RBFOX1: variants seen among roughly 807,000 people sequenced by gnomAD.
RBFOX1 encodes RNA binding protein fox-1 homolog 1.
Under a neutral mutation model 57.7 loss-of-function variants are expected in RBFOX1, and 8 were observed. The ratio of observed to expected loss-of-function variants is 0.14; its 90% CI spans 0.08 to 0.25. The LOEUF (loss-of-function observed/expected upper bound fraction) is 0.25, where lower values mean the gene tolerates loss of function less well. Ranked by LOEUF, RBFOX1 falls within the 10% of genes least tolerant of loss-of-function variation. The pLI is 1.00. For synonymous variants in RBFOX1, 326 were observed against 222.4 expected, an observed-to-expected ratio of 1.47 and a Z score of -4.15; for missense variants, 611 against 548.5, an observed-to-expected ratio of 1.11 and a Z score of -1.14.
intron 1 of RBFOX1, among the ~76,000 whole-genome samples, chr16:5,458,944 A>T (rs1368908611): frequency 1.3e-5 from 2 of 151,884 alleles, no homozygotes; most frequent in African/African-American, 4.8e-5. Flanking sequence ...CCTGGCTTCA[A>T]CTCTTCCAGG....
intron 3 of RBFOX1, among the ~76,000 whole-genome samples, chr16:7,050,969 T>C (rs2049868115): frequency 6.6e-6 from 1 of 152,174 alleles, no homozygotes; most frequent in South Asian, 2.1e-4. Context: ...ATTCTTCCTT[T>C]TTTGTTTTTA....
intron 4 of RBFOX1, among the ~76,000 whole-genome samples, chr16:5,948,610 G>C (rs1294988164): frequency 6.6e-6 from 1 of 152,204 alleles, no homozygotes; most frequent in Admixed American, 6.5e-5. Context: ...TGCGATGGCA[G>C]AGGCAGAGAT....
At chr16:6,269,099 G>T (rs10468326) in intron 1 of RBFOX1, among the ~76,000 whole-genome samples, 4,277 of 152,140 alleles carry the variant, frequency 0.028, 165 homozygotes, top group African/African-American at 0.089. Flanking sequence ...TGCTACGTAA[G>T]CTATGTCAGC....
At chr16:6,517,351 T>C (rs189755467) in intron 2 of RBFOX1, among the ~76,000 whole-genome samples, 1 of 152,328 alleles carries the variant, frequency 6.6e-6, no homozygotes, top group East Asian at 1.9e-4. Context: ...CGAATACATC[T>C]GTGTTTGGGG....
intron 2 of RBFOX1, among the ~76,000 whole-genome samples, chr16:6,351,675 A>C (rs1271427075): frequency 6.6e-6 from 1 of 152,116 alleles, no homozygotes; most frequent in African/African-American, 2.4e-5. Flanking sequence ...CTCCCGGCCT[A>C]AGGGAATGTT....
chr16:7,155,358 G>C (rs1033813797), intron 4 of RBFOX1, among the ~76,000 whole-genome samples: 7 of 152,018 alleles, frequency 4.6e-5, no homozygotes, highest in Non-Finnish European at 1.0e-4. Context: ...GGGAGGTCGA[G>C]TTCAGTGGGT....
intron 4 of RBFOX1, among the ~76,000 whole-genome samples, chr16:5,916,607 A>G (rs1413143627): frequency 6.6e-6 from 1 of 152,046 alleles, no homozygotes; most frequent in Non-Finnish European, 1.5e-5. Flanking sequence ...CTTTGGAACT[A>G]ATTTCAGGGG....
chr16:5,676,381 A>G (rs1435831231), intron 3 of RBFOX1, among the ~76,000 whole-genome samples: 2 of 152,106 alleles, frequency 1.3e-5, no homozygotes, highest in East Asian at 1.9e-4. Context: ...CTGCCCATAT[A>G]TGTGTGTGTG....
rs373027819 is a variant in RBFOX1, at chr16:7,118,384, C to T, written c.27+66286C>T. Among the ~76,000 whole-genome samples the T allele has an allele frequency of 1.2e-4, 18 of 152,044 alleles. 2 individuals are homozygous for T. Among genetic ancestry groups the T allele is most frequent in the Admixed American group, 9.8e-4 (15 of 15,246 alleles). On this transcript the variant is annotated intron_variant, in intron 4 of 15. Transcript: ENST00000550418. ...GTTTCTTGGCCATTTGTTGGCTATTCTCATCTTCTGAGAAATGCCTGTTCA... is the reference window on the plus strand; with the variant it reads ...GTTTCTTGGCCATTTGTTGGCTATTTTCATCTTCTGAGAAATGCCTGTTCA...
chr16:5,424,927 C>T (rs866089221), intron 1 of RBFOX1, among the ~76,000 whole-genome samples: 1 of 75,580 alleles, frequency 1.3e-5, no homozygotes, highest in Non-Finnish European at 2.8e-5. Context: ...TTCTTTCTTT[C>T]TTTCTTTCTC....
At chr16:7,484,146 T>C (rs891303026) in intron 4 of RBFOX1, among the ~76,000 whole-genome samples, 8 of 147,346 alleles carry the variant, frequency 5.4e-5, no homozygotes, top group African/African-American at 1.9e-4. Flanking sequence ...GATTCAGCCA[T>C]AATTGTTGCA....
chr16:6,942,650 C>T (rs1341125389), intron 3 of RBFOX1, among the ~76,000 whole-genome samples: 2 of 152,098 alleles, frequency 1.3e-5, no homozygotes, highest in African/African-American at 4.8e-5. Flanking sequence ...GTTGAGTGGA[C>T]AGCGAGAAGG....
intron 1 of RBFOX1, among the ~76,000 whole-genome samples, chr16:6,045,055 G>T (rs2095481001): frequency 6.6e-6 from 1 of 152,174 alleles, no homozygotes; most frequent in African/African-American, 2.4e-5. Flanking sequence ...ATTGGTCTTG[G>T]ATGGGGCTGT....
chr16:6,973,558 GTTTA>G (rs1166582018), intron 3 of RBFOX1, among the ~76,000 whole-genome samples: 4 of 152,106 alleles, frequency 2.6e-5, no homozygotes, highest in African/African-American at 9.7e-5. Context: ...TGGAGAGTCT[GTTTA>G]TTTCTTTCTT....
At chr16:6,603,540 C>T (rs2097883091) in intron 2 of RBFOX1, among the ~76,000 whole-genome samples, 1 of 152,152 alleles carries the variant, frequency 6.6e-6, no homozygotes, top group African/African-American at 2.4e-5. Context: ...ACATGCATGC[C>T]TTAGCCCCAC....
chr16:6,483,822 T>C (rs1298280351), intron 2 of RBFOX1: 2 of 1,339,964 alleles, frequency 1.5e-6, no homozygotes, highest in Admixed American at 6.3e-5. Context: ...GGCTGCTGAT[T>C]AGAATAGGGG....
chr16:6,049,124 A>T (rs1453214291), intron 1 of RBFOX1, among the ~76,000 whole-genome samples: 1 of 139,206 alleles, frequency 7.2e-6, no homozygotes, highest in Non-Finnish European at 1.5e-5. Context: ...GTGCAATGGC[A>T]TGATCTCAGC....
At chr16:6,021,990 G>A (rs1262426663) in intron 1 of RBFOX1, among the ~76,000 whole-genome samples, 1 of 152,188 alleles carries the variant, frequency 6.6e-6, no homozygotes, top group African/African-American at 2.4e-5. Context: ...GGAAAGGCAG[G>A]TGGCTTGCCT....
intron 3 of RBFOX1, among the ~76,000 whole-genome samples, chr16:7,024,766 T>C (rs1442159208): frequency 6.6e-6 from 1 of 152,226 alleles, no homozygotes; most frequent in Non-Finnish European, 1.5e-5. Context: ...GTGCATTCAA[T>C]GTTGAGTTCA....
Sources: allele counts gnomAD v4.1 joint callset (sites outside exome capture counted in the v4.1 genomes callset), GRCh38; gene constraint gnomAD v4.1.1; transcripts MANE v1.5; gene names NCBI Gene and HGNC (gene_info 2026-07-23, HGNC 2026-07-21).